The following ANKS1B variants were observed in gnomAD, a reference collection of about 807,000 sequenced individuals.
ANKS1B encodes the protein ankyrin repeat and sterile alpha motif domain-containing protein 1B.
ANKS1B carries 36 observed loss-of-function variants against 148.3 expected under a neutral mutation model. The ratio of observed to expected loss-of-function variants is 0.24; its 90% CI spans 0.19 to 0.32. ANKS1B has a LOEUF of 0.32. Ranked by LOEUF, ANKS1B falls within the 10% of genes least tolerant of loss-of-function variation. The pLI is 1.00. For synonymous variants in ANKS1B, 542 were observed against 560.8 expected (o/e 0.97, Z 0.47); for missense variants, 1,157 against 1,542.6 (o/e 0.75, Z 4.19).
intron 14 of ANKS1B, among the ~76,000 whole-genome samples, chr12:99,217,866 T>G (rs1405060052): frequency 6.6e-6 from 1 of 152,202 alleles, no homozygotes; most frequent in Non-Finnish European, 1.5e-5. Flanking sequence ...ATGAAGAAAC[T>G]GAGGCTCAGA....
chr12:99,630,006 C>A (rs2098142467), intron 9 of ANKS1B, among the ~76,000 whole-genome samples: 1 of 152,016 alleles, frequency 6.6e-6, no homozygotes, highest in South Asian at 2.1e-4. Flanking sequence ...TTTAAAAAAT[C>A]CTAGGTGTAT....
intron 12 of ANKS1B, among the ~76,000 whole-genome samples, chr12:99,306,050 AG>A (rs1459006747): frequency 1.3e-5 from 2 of 152,104 alleles, no homozygotes; most frequent in East Asian, 3.9e-4. Flanking sequence ...TTTGAACTCC[AG>A]GGGTTTTCTG....
chr12:99,524,142 T>C (rs1273110693), intron 9 of ANKS1B, among the ~76,000 whole-genome samples: 3 of 152,134 alleles, frequency 2.0e-5, no homozygotes. Flanking sequence ...CTTCCCACAA[T>C]ATCAAGAAAA....
chr12:99,966,573 T>C (rs1037771603), intron 1 of ANKS1B, among the ~76,000 whole-genome samples: 2 of 152,126 alleles, frequency 1.3e-5, no homozygotes, highest in Admixed American at 6.5e-5. Context: ...TTTTATGCCC[T>C]AGTAAAATTA....
intron 9 of ANKS1B, among the ~76,000 whole-genome samples, chr12:99,572,816 G>A (rs1047221655): frequency 3.9e-5 from 6 of 151,920 alleles, no homozygotes; most frequent in Non-Finnish European, 7.4e-5. Flanking sequence ...CTACAGATTT[G>A]TATAAGGCTT....
intron 17 of ANKS1B, among the ~76,000 whole-genome samples, chr12:98,918,244 A>G (rs1050604094): frequency 6.6e-6 from 1 of 152,236 alleles, no homozygotes; most frequent in Non-Finnish European, 1.5e-5. Context: ...AGGAGTTTAC[A>G]CTTGGAAGCA....
rs1285398098 is a variant in ANKS1B at position 99,549,402 on chromosome 12, T to C, written c.1273-44761A>G. ...AGAGTTAAGCAGATGGTTTTTGAAG[T>C]CTTAGTAAATAAACTGGTATTCATG... On this transcript the variant is annotated intron_variant, in intron 9 of 26. Transcript: ENST00000683438. Among the ~76,000 whole-genome samples, 4 of 152,234 alleles carry C rather than the reference T, an allele frequency of 2.6e-5. No individual in the cohort carries two copies. The East Asian group carries it at 7.7e-4, about 29-fold the overall frequency.
intron 8 of ANKS1B, among the ~76,000 whole-genome samples, chr12:99,689,091 T>C (rs747918775): frequency 1.7e-4 from 26 of 152,304 alleles, no homozygotes; most frequent in Middle Eastern, 3.4e-3. Context: ...TACTTCCTCA[T>C]CTTCAATGTT....
intron 1 of ANKS1B, among the ~76,000 whole-genome samples, chr12:99,922,110 G>A (rs1176471710): frequency 1.3e-5 from 2 of 152,062 alleles, no homozygotes; most frequent in African/African-American, 2.4e-5. Flanking sequence ...AGCTACCTGA[G>A]GGAGTTGTTA....
At chr12:99,251,363 T>C (rs1017493774) in intron 12 of ANKS1B, among the ~76,000 whole-genome samples, 1 of 152,246 alleles carries the variant, frequency 6.6e-6, no homozygotes, top group Admixed American at 6.5e-5. Context: ...ATGTGGGATT[T>C]ACTCCTTTGT....
At chr12:99,644,670 G>C (rs912653063) in intron 9 of ANKS1B, among the ~76,000 whole-genome samples, 1 of 152,092 alleles carries the variant, frequency 6.6e-6, no homozygotes, top group East Asian at 1.9e-4. Context: ...CCAAAATGTG[G>C]AATAGTTTCC....
chr12:99,728,648 A>G (rs1363573493), intron 8 of ANKS1B, among the ~76,000 whole-genome samples: 1 of 151,546 alleles, frequency 6.6e-6, no homozygotes, highest in South Asian at 2.1e-4. Context: ...GAATTGTTCC[A>G]TTATAAAGAC....
chr12:99,005,775 AAC>A (rs140449575), intron 17 of ANKS1B, among the ~76,000 whole-genome samples: 92 of 151,166 alleles, frequency 6.1e-4, no homozygotes, highest in African/African-American at 2.0e-3. Context: ...ACACAGATGG[AAC>A]ACACACACAC....
chr12:99,295,614 AG>A, intron 12 of ANKS1B, among the ~76,000 whole-genome samples: 1 of 152,198 alleles, frequency 6.6e-6, no homozygotes, highest in Non-Finnish European at 1.5e-5. Context: ...ATTCTTTTAA[AG>A]TTTTATTTTA....
chr12:99,253,974 T>C (rs141974682), intron 12 of ANKS1B, among the ~76,000 whole-genome samples: 48 of 152,360 alleles, frequency 3.2e-4, no homozygotes, highest in African/African-American at 1.1e-3. Flanking sequence ...TGGGCCATTC[T>C]ACAAAATAAT....
At chr12:98,810,370 T>G (rs2099085261) in intron 19 of ANKS1B, among the ~76,000 whole-genome samples, 1 of 152,144 alleles carries the variant, frequency 6.6e-6, no homozygotes, top group South Asian at 2.1e-4. Flanking sequence ...TCAATACACA[T>G]GTGTCAGGAC....
At chr12:99,087,700 A>G (rs2052412890) in intron 15 of ANKS1B, among the ~76,000 whole-genome samples, 1 of 152,184 alleles carries the variant, frequency 6.6e-6, no homozygotes, top group Admixed American at 6.5e-5. Context: ...GAACATTACC[A>G]GGTTTTCCAG....
intron 10 of ANKS1B, among the ~76,000 whole-genome samples, chr12:99,493,574 T>C (rs902488147): frequency 6.6e-6 from 1 of 152,212 alleles, no homozygotes; most frequent in South Asian, 2.1e-4. Flanking sequence ...ATTACCCTCA[T>C]CCTACTGTTT....
At chr12:99,410,404 TCA>T (rs1326165159) in intron 11 of ANKS1B, among the ~76,000 whole-genome samples, 1 of 151,880 alleles carries the variant, frequency 6.6e-6, no homozygotes, top group Non-Finnish European at 1.5e-5. Context: ...GCACAGTGGT[TCA>T]CGCCTGTAAT....
Sources: allele counts gnomAD v4.1 joint callset (sites outside exome capture counted in the v4.1 genomes callset), GRCh38; gene constraint gnomAD v4.1.1; transcripts MANE v1.5; gene names NCBI Gene and HGNC (gene_info 2026-07-23, HGNC 2026-07-21).